PPP1R9A: variants seen among roughly 807,000 people sequenced by gnomAD.
PPP1R9A encodes the protein neurabin-1.
Under a neutral mutation model 141.9 loss-of-function variants are expected in PPP1R9A, and 59 were observed. The ratio of observed to expected loss-of-function variants is 0.42; its 90% confidence interval spans 0.34 to 0.52. PPP1R9A has a LOEUF of 0.52. Among genes scored for constraint, PPP1R9A ranks in the 20% least tolerant of loss-of-function variants. The probability of loss-of-function intolerance (pLI) is 0.10; values close to 1 mark genes in which losing one functional copy is unlikely to be tolerated. For missense variants in PPP1R9A, 1,444 were observed against 1,611.9 expected, an observed-to-expected ratio of 0.90 and a Z score of 1.78; for synonymous variants, 500 against 569.7, an observed-to-expected ratio of 0.88 and a Z score of 1.74.
intron 2 of PPP1R9A, among the ~76,000 whole-genome samples, chr7:95,063,654 T>C (rs1354792337): frequency 6.6e-6 from 1 of 152,164 alleles, no homozygotes; most frequent in Non-Finnish European, 1.5e-5. Context: ...GAAATTTGGA[T>C]GTGATAGGTT....
chr7:95,249,971 A>T (rs1367789074), intron 9 of PPP1R9A, 55 bp from the exon 10 acceptor site: 70 of 1,487,884 alleles, frequency 4.7e-5, no homozygotes, highest in Non-Finnish European at 5.5e-5. Context: ...AAAATGAGAG[A>T]TTTTTGCCAC....
intron 8 of PPP1R9A, among the ~76,000 whole-genome samples, chr7:95,242,485 C>T (rs1797590801): frequency 6.6e-6 from 1 of 152,038 alleles, no homozygotes; most frequent in African/African-American, 2.4e-5. Flanking sequence ...GGCAAAAGTT[C>T]AGTCTCACTA....
chr7:94,907,327 TA>T (rs1790872974), upstream of PPP1R9A: 1 of 152,006 alleles, frequency 6.6e-6, no homozygotes, highest in South Asian at 2.1e-4. Context: ...TCAAGGTGAG[TA>T]GTAGGCCAGG....
intron 2 of PPP1R9A, among the ~76,000 whole-genome samples, chr7:94,970,087 A>G (rs112794769): frequency 0.025 from 3,796 of 152,228 alleles, 172 homozygotes; most frequent in African/African-American, 0.087. Context: ...GGTGGGCTCC[A>G]TGGGGGTGGG....
intron 7 of PPP1R9A, among the ~76,000 whole-genome samples, chr7:95,206,362 T>G (rs1790793016): frequency 6.6e-6 from 1 of 152,164 alleles, no homozygotes; most frequent in Non-Finnish European, 1.5e-5. Context: ...TTTAATGGAT[T>G]TATTGAGATA....
chr7:95,066,442 C>T (rs1353952319), intron 2 of PPP1R9A, among the ~76,000 whole-genome samples: 6 of 151,580 alleles, frequency 4.0e-5, no homozygotes, highest in Non-Finnish European at 2.9e-5. Flanking sequence ...TGTAAGATAA[C>T]CCAAAGGAAA....
At chr7:95,083,072 C>A (rs559676381) in intron 2 of PPP1R9A, among the ~76,000 whole-genome samples, 1 of 151,764 alleles carries the variant, frequency 6.6e-6, no homozygotes, top group Non-Finnish European at 1.5e-5. Flanking sequence ...CTTTTCTCAC[C>A]CATTGCAAGG....
chr7:95,240,232 C>T (rs1479145162), intron 8 of PPP1R9A, among the ~76,000 whole-genome samples: 4 of 152,030 alleles, frequency 2.6e-5, no homozygotes, highest in African/African-American at 4.8e-5. Context: ...AAAAGTCTAA[C>T]ATAAAGCTTG....
At chr7:94,914,133 C>T (rs1379314638) in intron 2 of PPP1R9A, among the ~76,000 whole-genome samples, 1 of 152,156 alleles carries the variant, frequency 6.6e-6, no homozygotes, top group African/African-American at 2.4e-5. Flanking sequence ...AACATACTTC[C>T]TCTTAAAGAA....
intron 5 of PPP1R9A, among the ~76,000 whole-genome samples, chr7:95,176,795 T>C (rs1438054025): frequency 6.6e-6 from 1 of 152,108 alleles, no homozygotes; most frequent in Non-Finnish European, 1.5e-5. Flanking sequence ...GATCTTCGAA[T>C]TAACCCAATC....
intron 2 of PPP1R9A, among the ~76,000 whole-genome samples, chr7:94,979,152 T>C (rs1334237991): frequency 6.6e-6 from 1 of 152,250 alleles, no homozygotes; most frequent in Non-Finnish European, 1.5e-5. Context: ...TTTATGGTGC[T>C]TTCTGGGCAA....
intron 2 of PPP1R9A, among the ~76,000 whole-genome samples, chr7:94,942,105 A>G (rs188333703): frequency 6.6e-6 from 1 of 152,288 alleles, no homozygotes; most frequent in Admixed American, 6.5e-5. Flanking sequence ...AAGAAATTTA[A>G]TGATTAAATA....
intron 12 of PPP1R9A, among the ~76,000 whole-genome samples, chr7:95,267,752 G>T (rs538124220): frequency 4.6e-5 from 7 of 152,138 alleles, no homozygotes; most frequent in Non-Finnish European, 8.8e-5. Flanking sequence ...CGTTTCTGGT[G>T]GGGAGAGAAG....
At position 95,269,287 on chromosome 7, in the gene PPP1R9A, A is replaced by G; in HGVS notation, c.2904A>G (p.Ser968=). Residue 968 remains serine, a synonymous_variant, in exon 14 of 20, where the codon TCA becomes TCG. Transcript: ENST00000433360. ...GTTTGAGAACGTCTTCTCCAGAATC[A>G]GATTCTGGTGTTCCACCCCTCACCC... The part of the protein sequence containing the change: ...PKGLRTSSPE[S]DSGVPPLTPV... 1.3e-6 allele frequency: 2 copies of G among 1,588,462 alleles called. No homozygotes were observed. The highest frequency in any genetic ancestry group is 1.7e-6 in the Non-Finnish European group (2 of 1,170,104).
chr7:94,948,520 C>T (rs1796125499), intron 2 of PPP1R9A, among the ~76,000 whole-genome samples: 1 of 152,156 alleles, frequency 6.6e-6, no homozygotes, highest in Non-Finnish European at 1.5e-5. Context: ...TGTACCATGA[C>T]ACATTTTCCC....
chr7:95,181,949 A>G lies in PPP1R9A; in HGVS notation c.1755-16400A>G, dbSNP rs937400970. Among the ~76,000 whole-genome samples the G allele has an allele frequency of 3.3e-5, 5 of 151,648 alleles. No individual in the cohort carries two copies. The Admixed American group carries it at 3.3e-4, about 10-fold the overall frequency. ...CAGAAACAGAAAAACCAAACATTGTATGTTCTCACTGATATGTGGGGGCTA... is the reference window on the plus strand; with the variant it reads ...CAGAAACAGAAAAACCAAACATTGTGTGTTCTCACTGATATGTGGGGGCTA... On this transcript the variant is annotated intron_variant, in intron 5 of 19. Coordinates refer to ENST00000433360, the MANE Select transcript of PPP1R9A (RefSeq NM_001166160.2).
intron 12 of PPP1R9A, among the ~76,000 whole-genome samples, chr7:95,261,416 G>T (rs945486477): frequency 6.6e-6 from 1 of 152,110 alleles, no homozygotes; most frequent in Non-Finnish European, 1.5e-5. Flanking sequence ...CAGTAATCAT[G>T]TCTAAGACCT....
chr7:95,149,913 A>G (rs1828342878), intron 4 of PPP1R9A, among the ~76,000 whole-genome samples: 1 of 151,998 alleles, frequency 6.6e-6, no homozygotes, highest in Admixed American at 6.6e-5. Flanking sequence ...ATTTAAGGGA[A>G]ATAACAAAGT....
At chr7:95,168,884 A>G (rs2152742158) in intron 5 of PPP1R9A, among the ~76,000 whole-genome samples, 1 of 152,208 alleles carries the variant, frequency 6.6e-6, no homozygotes, top group Admixed American at 6.5e-5. Context: ...ACAAAAGGTA[A>G]CAGACGCTGA....
Sources: gnomAD v4.1 joint callset for allele counts (sites outside exome capture counted in the v4.1 genomes callset) on GRCh38, gnomAD v4.1.1 for gene constraint, MANE v1.5 for transcripts, NCBI Gene and HGNC (gene_info 2026-07-23, HGNC 2026-07-21) for gene names.